The following PALD1 variants were observed in gnomAD, a reference collection of about 807,000 sequenced individuals.
PALD1 encodes the protein phosphatase domain containing paladin 1.
Under a neutral mutation model 96.0 loss-of-function variants are expected in PALD1, and 57 were observed. The ratio of observed to expected loss-of-function variants is 0.59; its 90% CI spans 0.48 to 0.74. The LOEUF is 0.74. Ranked by LOEUF, PALD1 falls within the 30% of genes least tolerant of loss-of-function variation. The probability of loss-of-function intolerance (pLI) is 0.00; values close to 1 mark genes in which losing one functional copy is unlikely to be tolerated. For synonymous variants in PALD1, 464 were observed against 473.6 expected, an observed-to-expected ratio of 0.98 and a Z score of 0.26; for missense variants, 1,063 against 1,143.7, an observed-to-expected ratio of 0.93 and a Z score of 1.02.
At chr10:70,566,441 A>G in intron 19 of PALD1, 140 bp from the exon 20 acceptor site, 2 of 658,188 alleles carry the variant, frequency 3.0e-6, no homozygotes, top group East Asian at 2.7e-5. Context: ...ACTGACGCTC[A>G]GAGAAGTTAA....
chr10:70,467,757 G>A, the PALD1 span, among the ~76,000 whole-genome samples: 1 of 152,136 alleles, frequency 6.6e-6, no homozygotes, highest in African/African-American at 2.4e-5. Context: ...TCATGATTCT[G>A]ACACAGTAGC....
At chr10:70,484,582 C>T (rs537815195) in intron 1 of PALD1, among the ~76,000 whole-genome samples, 4 of 151,470 alleles carry the variant, frequency 2.6e-5, no homozygotes, top group Non-Finnish European at 5.9e-5. Flanking sequence ...GTCTGTTACC[C>T]AGGCTGGAGT....
chr10:70,491,732 C>T (rs950975304), intron 1 of PALD1, among the ~76,000 whole-genome samples: 1 of 152,224 alleles, frequency 6.6e-6, no homozygotes, highest in African/African-American at 2.4e-5. Flanking sequence ...CTCCATCCAT[C>T]CATTAAGTAA....
Position 70,566,619 on chromosome 10 carries a change from G to C in PALD1, c.2457G>C (p.Glu819Asp), listed in dbSNP as rs759517612. ...CTGGCATCTACGAGATCCTTAACGA[G>C]CTGGGCTTCCCCGAGCTGGAGAGCG... ...SKAGIYEILN[E>D]LGFPELESGE... The change falls in exon 20 of 20, where the codon GAG becomes GAC. Residue 819 changes from glutamate to aspartate, a missense_variant. By Grantham distance (45) the Glu-to-Asp change is conservative (BLOSUM62 2). Transcript: ENST00000263563. 1.9e-6 allele frequency: 3 copies of C among 1,611,428 alleles called. No individual in the cohort carries two copies. In the East Asian group the frequency reaches 6.7e-5, roughly 36 times the overall value.
rs375113884 is a variant in PALD1, at chr10:70,538,422, G to A, written c.1452+14G>A. On this transcript the variant is annotated intron_variant, in intron 12 of 19. Coordinates refer to ENST00000263563, the MANE Select transcript of PALD1 (RefSeq NM_014431.3). ...AGGGGCTCCCTAGTGAGTATGACTG[G>A]CAGTCGGAGAAGTGGGCATGGCTGT... 204 of 1,609,448 alleles carry A rather than the reference G, an allele frequency of 1.3e-4. No individual in the cohort carries two copies. The highest frequency in any genetic ancestry group is 1.6e-4 in the Non-Finnish European group (192 of 1,179,208).
At chr10:70,538,006 G>A (rs1847151542) in intron 11 of PALD1, 100 bp downstream of exon 11, 2 of 940,584 alleles carry the variant, frequency 2.1e-6, no homozygotes, top group Non-Finnish European at 3.4e-6. Context: ...ACCCCCCAAG[G>A]AACCGGGGAG....
chr10:70,479,566 G>C (rs1225956649), intron 1 of PALD1, among the ~76,000 whole-genome samples: 4 of 152,214 alleles, frequency 2.6e-5, no homozygotes, highest in Non-Finnish European at 5.9e-5. Flanking sequence ...TCTCCAAGGA[G>C]AGTACGTTTT....
intron 1 of PALD1, among the ~76,000 whole-genome samples, chr10:70,502,510 G>A (rs1021785634): frequency 2.7e-5 from 4 of 147,936 alleles, no homozygotes; most frequent in African/African-American, 1.0e-4. Context: ...GGGTCTGCAG[G>A]ACAGTTTTGT....
chr10:70,537,772 C>G (rs1381934746), intron 10 of PALD1, 39 bp from the exon 11 acceptor site: 2 of 1,398,546 alleles, frequency 1.4e-6, no homozygotes, highest in South Asian at 2.3e-5. Flanking sequence ...ACAAGACTGC[C>G]TGAGGAGTCT....
At chr10:70,555,683 C>A (rs1016772458) in intron 18 of PALD1, among the ~76,000 whole-genome samples, 2 of 152,204 alleles carry the variant, frequency 1.3e-5, no homozygotes, top group African/African-American at 2.4e-5. Flanking sequence ...GAGCCCCAGG[C>A]AGGGTCTTTC....
At chr10:70,544,253 G>A (rs1243650312) in intron 17 of PALD1, among the ~76,000 whole-genome samples, 1 of 151,992 alleles carries the variant, frequency 6.6e-6, no homozygotes, top group Admixed American at 6.6e-5. Flanking sequence ...AGTGTCTGGA[G>A]GGATCAAGTG....
chr10:70,491,962 A>G (rs1476645998), intron 1 of PALD1, among the ~76,000 whole-genome samples: 1 of 152,160 alleles, frequency 6.6e-6, no homozygotes, highest in African/African-American at 2.4e-5. Context: ...CATTGTATGG[A>G]TAGGCCGCAC....
At chr10:70,564,071 C>A (rs1047366462) in intron 18 of PALD1, among the ~76,000 whole-genome samples, 2 of 152,154 alleles carry the variant, frequency 1.3e-5, no homozygotes, top group Non-Finnish European at 2.9e-5. Context: ...ACAATGAGCT[C>A]TCCTGCTGTC....
In PALD1 at chr10:70,564,394, C is replaced by T. The variant is rs141653968; in HGVS notation, c.2293C>T (p.Arg765Trp). 4.2e-5 allele frequency: 67 copies of T among 1,613,512 alleles called. No homozygotes were observed. The highest frequency in any genetic ancestry group is 5.2e-5 in the Non-Finnish European group (61 of 1,179,664). ...GGCAGCGAAAGAGGCGCAAGAAATG[C>T]GGAGGCTGCAGCTGCGGAGCCTGCA... ...AKAAKEAQEM[R>W]RLQLRSLQYL... The change falls in exon 19 of 20, where the codon CGG becomes TGG. Residue 765 changes from arginine to tryptophan, a missense_variant. Physicochemically the swap from Arg to Trp is moderately radical, Grantham distance 101 (BLOSUM62 -3). Coordinates refer to ENST00000263563, the MANE Select transcript of PALD1 (RefSeq NM_014431.3).
intron 1 of PALD1, among the ~76,000 whole-genome samples, chr10:70,523,553 G>A (rs1323800615): frequency 5.9e-5 from 9 of 152,162 alleles, no homozygotes; most frequent in Non-Finnish European, 1.2e-4. Flanking sequence ...CCACTGCAGA[G>A]CTCCCTCCCC....
At chr10:70,463,007 C>A in the PALD1 span, among the ~76,000 whole-genome samples, 1 of 152,244 alleles carries the variant, frequency 6.6e-6, no homozygotes, top group East Asian at 1.9e-4. Context: ...CTGGAAAGAT[C>A]TGGCGTGGGT....
At chr10:70,529,721 A>G (rs1245633960) in intron 3 of PALD1, among the ~76,000 whole-genome samples, 168 bp from the exon 4 acceptor site, 2 of 151,926 alleles carry the variant, frequency 1.3e-5, no homozygotes, top group Non-Finnish European at 1.5e-5. Context: ...AGAGAGTTAT[A>G]TATTTTGTCT....
At chr10:70,461,918 G>A in the PALD1 span, among the ~76,000 whole-genome samples, 7 of 152,028 alleles carry the variant, frequency 4.6e-5, no homozygotes, top group African/African-American at 1.7e-4. Context: ...TCAGGCTCCC[G>A]AGTAGCTGGG....
At chr10:70,537,571 C>T (rs1847140091) in intron 10 of PALD1, among the ~76,000 whole-genome samples, 1 of 152,242 alleles carries the variant, frequency 6.6e-6, no homozygotes, top group African/African-American at 2.4e-5. Flanking sequence ...CAGCCCTGCA[C>T]CTAGAACCAC....
Sources: gnomAD v4.1 joint callset for allele counts (sites outside exome capture counted in the v4.1 genomes callset) on GRCh38, gnomAD v4.1.1 for gene constraint, MANE v1.5 for transcripts, NCBI Gene and HGNC (gene_info 2026-07-23, HGNC 2026-07-21) for gene names.